Variants in CDH18 observed in about 807,000 individuals in gnomAD.
CDH18 encodes the protein cadherin-18.
CDH18 carries 31 observed loss-of-function variants against 67.9 expected under a neutral mutation model. That is an observed-to-expected ratio of 0.46 (90% CI 0.34 to 0.62). The LOEUF (loss-of-function observed/expected upper bound fraction) is 0.62, where lower values mean the gene tolerates loss of function less well. Ranked by LOEUF, CDH18 falls within the 20% of genes least tolerant of loss-of-function variation. The probability of loss-of-function intolerance (pLI) is 0.01; values close to 1 mark genes in which losing one functional copy is unlikely to be tolerated. For synonymous variants in CDH18, 362 were observed against 347.2 expected (o/e 1.04, Z -0.48); for missense variants, 890 against 975.5 (o/e 0.91, Z 1.17).
At chr5:19,653,535 T>C (rs967762552) in intron 5 of CDH18, among the ~76,000 whole-genome samples, 11 of 152,080 alleles carry the variant, frequency 7.2e-5, no homozygotes, top group Non-Finnish European at 1.3e-4. Context: ...ACCTAGACAA[T>C]GTCCAGCCCA....
intron 4 of CDH18, among the ~76,000 whole-genome samples, chr5:19,726,384 A>G (rs1466561968): frequency 2.0e-5 from 3 of 152,202 alleles, no homozygotes; most frequent in Non-Finnish European, 4.4e-5. Context: ...TTGTGTGTGA[A>G]GCAAAGAGCA....
chr5:19,617,475 A>T (rs952692565), intron 5 of CDH18, among the ~76,000 whole-genome samples: 1 of 152,346 alleles, frequency 6.6e-6, no homozygotes, highest in African/African-American at 2.4e-5. Flanking sequence ...AAAGCCAAAA[A>T]TACAGAGCAG....
At chr5:19,626,357 G>C (rs977354381) in intron 5 of CDH18, among the ~76,000 whole-genome samples, 1 of 152,188 alleles carries the variant, frequency 6.6e-6, no homozygotes. Flanking sequence ...ACAGATGTGC[G>C]AAAGAACACA....
intron 1 of CDH18, among the ~76,000 whole-genome samples, chr5:20,398,037 A>G (rs768937012): frequency 6.6e-6 from 1 of 152,168 alleles, no homozygotes; most frequent in Non-Finnish European, 1.5e-5. Flanking sequence ...TAGCTGTTCA[A>G]TTGACTCATG....
intron 1 of CDH18, among the ~76,000 whole-genome samples, chr5:20,289,787 A>G (rs1746969513): frequency 6.6e-6 from 1 of 152,084 alleles, no homozygotes; most frequent in South Asian, 2.1e-4. Flanking sequence ...GATACACATT[A>G]AACTACAGAT....
rs575755696 is a variant in CDH18 at position 19,871,503 on chromosome 5, GA to G, written c.-256-32262del. Among the ~76,000 whole-genome samples, 277 of 152,264 alleles carry G rather than the reference GA, an allele frequency of 1.8e-3. 1 individual carries two copies. The highest frequency in any genetic ancestry group is 6.4e-3 in the African/African-American group (265 of 41,546). ...ATAGCGTTTGAATGCAGACTCCAGA[GA>G]AAAGAAACGTTGATTCCAAACTTTT... On this transcript the variant is annotated intron_variant, in intron 2 of 12. Coordinates refer to ENST00000382275, the MANE Select transcript of CDH18 (RefSeq NM_004934.5).
At chr5:20,237,883 AAC>A (rs1580550069) in intron 2 of CDH18, among the ~76,000 whole-genome samples, 1 of 152,156 alleles carries the variant, frequency 6.6e-6, no homozygotes, top group East Asian at 1.9e-4. Context: ...AAAGAAAAAT[AAC>A]ACTATCTGAT....
chr5:19,832,604 C>T (rs1403703534), intron 3 of CDH18, among the ~76,000 whole-genome samples: 6 of 152,038 alleles, frequency 3.9e-5, no homozygotes, highest in South Asian at 2.1e-4. Context: ...TCTTAGCACA[C>T]GCCTATGTCC....
intron 11 of CDH18, among the ~76,000 whole-genome samples, chr5:19,492,059 G>A (rs1436813121): frequency 6.6e-6 from 1 of 151,582 alleles, no homozygotes; most frequent in Non-Finnish European, 1.5e-5. Flanking sequence ...ATTCCTGATA[G>A]CAAATCATCA....
At chr5:20,230,887 A>G (rs774498787) in intron 2 of CDH18, among the ~76,000 whole-genome samples, 67 of 152,224 alleles carry the variant, frequency 4.4e-4, no homozygotes, top group Non-Finnish European at 6.9e-4. Context: ...CTAAAGCTCT[A>G]AATGTTAATA....
intron 5 of CDH18, among the ~76,000 whole-genome samples, chr5:19,620,100 T>C (rs1214646633): frequency 6.6e-6 from 1 of 152,236 alleles, no homozygotes; most frequent in Non-Finnish European, 1.5e-5. Flanking sequence ...TTAGCAATCA[T>C]AAATTCATAG....
intron 1 of CDH18, among the ~76,000 whole-genome samples, chr5:20,469,739 A>G (rs7719048): frequency 0.087 from 13,173 of 152,158 alleles, 1,921 homozygotes; most frequent in African/African-American, 0.3. Flanking sequence ...GTACAGAAAT[A>G]TTAATCCCTT....
intron 2 of CDH18, among the ~76,000 whole-genome samples, chr5:20,040,814 A>G (rs1011409515): frequency 2.6e-5 from 4 of 152,172 alleles, no homozygotes; most frequent in Admixed American, 1.3e-4. Flanking sequence ...CCACAAGAAG[A>G]AAGACCAGTA....
chr5:20,479,599 T>G (rs952655261), intron 1 of CDH18, among the ~76,000 whole-genome samples: 1 of 151,934 alleles, frequency 6.6e-6, no homozygotes, highest in African/African-American at 2.4e-5. Context: ...TAAAAAAGAA[T>G]GAAGCATGAC....
chr5:19,631,228 C>A (rs1752370602), intron 5 of CDH18, among the ~76,000 whole-genome samples: 1 of 151,958 alleles, frequency 6.6e-6, no homozygotes. Flanking sequence ...TGAAATATTT[C>A]ACGCATATGA....
intron 1 of CDH18, among the ~76,000 whole-genome samples, chr5:20,469,673 G>A (rs1751912405): frequency 6.6e-6 from 1 of 152,072 alleles, no homozygotes; most frequent in Admixed American, 6.5e-5. Flanking sequence ...CTGGAAGTAG[G>A]CTGAGTTTTT....
At chr5:19,922,995 CTCTAATGATAAAG>C (rs1792674891) in intron 2 of CDH18, among the ~76,000 whole-genome samples, 2 of 152,206 alleles carry the variant, frequency 1.3e-5, no homozygotes, top group South Asian at 4.2e-4. Context: ...TGTGACCATC[CTCTAATGATAAAG>C]TGACGTCTCT....
intron 4 of CDH18, among the ~76,000 whole-genome samples, chr5:19,730,885 T>C (rs1297674320): frequency 6.6e-6 from 1 of 152,102 alleles, no homozygotes; most frequent in East Asian, 1.9e-4. Context: ...AACTAAAATG[T>C]TACTGTCTAC....
chr5:19,671,719 CAA>C (rs746603790), intron 5 of CDH18, among the ~76,000 whole-genome samples: 2 of 151,972 alleles, frequency 1.3e-5, no homozygotes, highest in African/African-American at 2.4e-5. Flanking sequence ...AAAAAGAAAA[CAA>C]ATACAATCTA....
Sources: allele counts gnomAD v4.1 joint callset (sites outside exome capture counted in the v4.1 genomes callset), GRCh38; gene constraint gnomAD v4.1.1; transcripts MANE v1.5; gene names NCBI Gene and HGNC (gene_info 2026-07-23, HGNC 2026-07-21).